The following GPC6 variants were observed in gnomAD, a reference collection of about 807,000 sequenced individuals.
GPC6 encodes the protein glypican 6.
A neutral mutation model predicts 55.2 loss-of-function variants in GPC6; 14 were observed. The observed-to-expected ratio is 0.25, with a 90% CI of 0.17 to 0.40. GPC6 has a LOEUF of 0.40. Ranked by LOEUF, GPC6 falls within the 10% of genes least tolerant of loss-of-function variation. The probability of loss-of-function intolerance (pLI) is 1.00; values close to 1 mark genes in which losing one functional copy is unlikely to be tolerated. For missense variants in GPC6, 641 were observed against 708.5 expected, an observed-to-expected ratio of 0.90 and a Z score of 1.08; for synonymous variants, 278 against 259.6, an observed-to-expected ratio of 1.07 and a Z score of -0.68.
At chr13:93,586,735 C>T (rs529702074) in intron 2 of GPC6, among the ~76,000 whole-genome samples, 1 of 152,178 alleles carries the variant, frequency 6.6e-6, no homozygotes, top group Non-Finnish European at 1.5e-5. Context: ...AGACTAAAAA[C>T]GTTTTGAAAT....
At chr13:93,732,142 C>A (rs1883846526) in intron 2 of GPC6, among the ~76,000 whole-genome samples, 1 of 152,170 alleles carries the variant, frequency 6.6e-6, no homozygotes, top group African/African-American at 2.4e-5. Context: ...TGCTGCAAAT[C>A]ACATCTCCCT....
intron 3 of GPC6, among the ~76,000 whole-genome samples, chr13:93,866,968 C>T (rs1888984841): frequency 6.6e-6 from 1 of 151,696 alleles, no homozygotes; most frequent in East Asian, 1.9e-4. Flanking sequence ...AAAGGAACAT[C>T]TTCTGTCTTA....
intron 2 of GPC6, among the ~76,000 whole-genome samples, chr13:93,767,430 A>G (rs1885158469): frequency 6.6e-6 from 1 of 152,294 alleles, no homozygotes; most frequent in East Asian, 1.9e-4. Context: ...GCAAATTTGT[A>G]CTTTGAACTT....
At chr13:93,489,765 CTCTG>C (rs1226562789) in intron 1 of GPC6, among the ~76,000 whole-genome samples, 4 of 150,438 alleles carry the variant, frequency 2.7e-5, no homozygotes, top group African/African-American at 4.9e-5. Context: ...TGATTTGGCT[CTCTG>C]TCTGTTATTG....
intron 4 of GPC6, among the ~76,000 whole-genome samples, chr13:94,284,552 C>G (rs1892477618): frequency 6.6e-6 from 1 of 151,028 alleles, no homozygotes; most frequent in South Asian, 2.1e-4. Context: ...ACAATTTTGT[C>G]ATCAGAAAAA....
chr13:94,047,157 A>G (rs984641577), intron 4 of GPC6, among the ~76,000 whole-genome samples: 2 of 152,112 alleles, frequency 1.3e-5, no homozygotes, highest in Non-Finnish European at 2.9e-5. Flanking sequence ...TTTTAAATGT[A>G]TTGGTATTCT....
chr13:93,470,849 C>A (rs535895675), intron 1 of GPC6, among the ~76,000 whole-genome samples: 6 of 151,868 alleles, frequency 4.0e-5, no homozygotes, highest in Non-Finnish European at 1.5e-5. Flanking sequence ...TCCATTTCAT[C>A]ATCAGTCATT....
intron 1 of GPC6, among the ~76,000 whole-genome samples, chr13:93,478,608 C>A (rs1879386928): frequency 6.6e-6 from 1 of 152,118 alleles, no homozygotes; most frequent in Non-Finnish European, 1.5e-5. Flanking sequence ...GGATCCATAG[C>A]ACATGAAGGA....
chr13:94,088,773 G>T (rs1267240939), intron 4 of GPC6, among the ~76,000 whole-genome samples: 1 of 152,226 alleles, frequency 6.6e-6, no homozygotes, highest in East Asian at 1.9e-4. Flanking sequence ...GAGTATAGCA[G>T]GATGTTGGAA....
intron 3 of GPC6, among the ~76,000 whole-genome samples, chr13:93,956,190 TCCACTGTGG>T (rs1272959173): frequency 2.0e-5 from 3 of 152,152 alleles, no homozygotes; most frequent in Middle Eastern, 3.4e-3. Flanking sequence ...TCTCACTCTC[TCCACTGTGG>T]CCCTGATAGC....
chr13:94,052,471 G>A (rs1447298833), intron 4 of GPC6, among the ~76,000 whole-genome samples: 1 of 152,142 alleles, frequency 6.6e-6, no homozygotes, highest in Non-Finnish European at 1.5e-5. Context: ...GCTATGCTGT[G>A]GAGTTGATAT....
chr13:94,160,580 G>A (rs559099404), intron 4 of GPC6, among the ~76,000 whole-genome samples: 2 of 152,324 alleles, frequency 1.3e-5, no homozygotes, highest in South Asian at 2.1e-4. Context: ...TAAACCATCC[G>A]TGGTAAGCAC....
At chr13:93,488,102 A>C (rs1023226820) in intron 1 of GPC6, among the ~76,000 whole-genome samples, 2 of 152,100 alleles carry the variant, frequency 1.3e-5, no homozygotes, top group Admixed American at 6.5e-5. Flanking sequence ...TATATCGCCT[A>C]ATGCTATCCC....
intron 1 of GPC6, among the ~76,000 whole-genome samples, chr13:93,480,015 T>G (rs368160210): frequency 1.1e-4 from 16 of 152,314 alleles, no homozygotes; most frequent in African/African-American, 3.8e-4. Flanking sequence ...AAGAGTTGCA[T>G]TTTAGAAACA....
intron 4 of GPC6, among the ~76,000 whole-genome samples, chr13:94,152,759 C>G (rs1229205002): frequency 6.6e-6 from 1 of 152,094 alleles, no homozygotes; most frequent in Non-Finnish European, 1.5e-5. Flanking sequence ...AAGTGAAGAA[C>G]AGTAATTTAC....
At chr13:94,375,442 A>T (rs1482012618) in intron 6 of GPC6, among the ~76,000 whole-genome samples, 1 of 151,964 alleles carries the variant, frequency 6.6e-6, no homozygotes, top group African/African-American at 2.4e-5. Flanking sequence ...AAACTAGAAA[A>T]TCTAGAAGAA....
At chr13:94,190,417 C>T (rs918198739) in intron 4 of GPC6, among the ~76,000 whole-genome samples, 28 of 152,166 alleles carry the variant, frequency 1.8e-4, no homozygotes, top group African/African-American at 5.3e-4. Context: ...GCAGCATTCT[C>T]CAGGCTGCTG....
intron 3 of GPC6, among the ~76,000 whole-genome samples, chr13:94,020,407 T>C (rs1032318654): frequency 2.0e-5 from 3 of 152,232 alleles, no homozygotes; most frequent in African/African-American, 7.2e-5. Flanking sequence ...CTTTTTCGAC[T>C]GAAATTTATC....
rs748384190 is a variant in GPC6, at chr13:94,404,324, T to G, written c.*1107T>G. 1 of 152,140 alleles carries G rather than the reference T, an allele frequency of 6.6e-6. No individual in the cohort carries two copies. Among genetic ancestry groups the G allele is most frequent in the Non-Finnish European group, 1.5e-5 (1 of 68,038 alleles). 9.4% of individuals were successfully genotyped at this position (152,140 alleles called of 1,614,324 possible). A position where few individuals can be genotyped will look rare whatever the true frequency, so the allele number is the denominator to read the frequency against. On this transcript the variant is annotated 3_prime_UTR_variant, in exon 9 of 9. Coordinates refer to ENST00000377047, the MANE Select transcript of GPC6 (RefSeq NM_005708.5). ...CAAGACAAAAAATATATATATATAG[T>G]ATTGACATGGAGATTTCTTTCACTT...
Sources: gnomAD v4.1 joint callset for allele counts (sites outside exome capture counted in the v4.1 genomes callset) on GRCh38, gnomAD v4.1.1 for gene constraint, MANE v1.5 for transcripts, NCBI Gene and HGNC (gene_info 2026-07-23, HGNC 2026-07-21) for gene names.